GLI4: variants seen among roughly 807,000 people sequenced by gnomAD.
GLI4 encodes GLI family zinc finger 4, also known as zinc finger protein GLI4.
Under a neutral mutation model 30.9 loss-of-function variants are expected in GLI4, and 34 were observed. That is an observed-to-expected ratio of 1.10 (90% CI 0.84 to 1.47). The LOEUF (loss-of-function observed/expected upper bound fraction) is 1.47, where lower values mean the gene tolerates loss of function less well. GLI4 is among the 40% of genes most tolerant of loss of function. GLI4 has a pLI of 0.00. For missense variants in GLI4, 696 were observed against 538.9 expected (o/e 1.29, Z -2.89); for synonymous variants, 277 against 236.7 (o/e 1.17, Z -1.56).
chr8:143,275,055 C>G, intron 3 of GLI4: 2 of 1,533,632 alleles, frequency 1.3e-6, no homozygotes, highest in African/African-American at 1.4e-5. Flanking sequence ...GGACTCCTGC[C>G]GGCCCCAGCT....
At chr8:143,270,701 G>A (rs746968856) in intron 2 of GLI4, among the ~76,000 whole-genome samples, 6 of 152,184 alleles carry the variant, frequency 3.9e-5, no homozygotes, top group East Asian at 1.9e-4. Flanking sequence ...CTCCTGTCCC[G>A]TTACCAGTGG....
intron 3 of GLI4, 43 bp downstream of exon 3, chr8:143,274,845 G>A (rs1048130816): frequency 1.6e-5 from 25 of 1,521,750 alleles, no homozygotes; most frequent in African/African-American, 5.5e-5. Flanking sequence ...AGAGCTCTGC[G>A]CGTGCCAGGC....
At chr8:143,274,402 C>T (rs1336382961) in intron 2 of GLI4, 2 of 237,888 alleles carry the variant, frequency 8.4e-6, no homozygotes, top group South Asian at 1.2e-4. Flanking sequence ...GTGACAAAGC[C>T]GCCTTCAACG....
intron 2 of GLI4, among the ~76,000 whole-genome samples, chr8:143,269,941 A>G (rs934369736): frequency 6.6e-6 from 1 of 152,236 alleles, no homozygotes; most frequent in Non-Finnish European, 1.5e-5. Flanking sequence ...TCGCAGGGAC[A>G]GAGCGCCAGC....
intron 1 of GLI4, among the ~76,000 whole-genome samples, chr8:143,268,596 C>T (rs1349612500): frequency 1.3e-5 from 2 of 152,230 alleles, no homozygotes; most frequent in Non-Finnish European, 2.9e-5. Flanking sequence ...ATTAAGATTT[C>T]CTCCAAAACA....
At position 143,276,446 on chromosome 8, in the gene GLI4, T is replaced by A; in HGVS notation, c.773T>A (p.Leu258Gln). Residue 258 changes from leucine (L) to glutamine (Q), a missense_variant, in exon 4 of 4, where the codon CTG becomes CAG. Leu to Gln is a moderately radical substitution (Grantham distance 113, BLOSUM62 -2). Coordinates refer to ENST00000340042, the MANE Select transcript of GLI4 (RefSeq NM_138465.4). ...CACAGCTCGCACTTCACGCAGCACC[T>A]GCGCATCCACAACGGCGAGAAGCCC... is the stretch of plus-strand genomic sequence containing the variant. The part of the protein sequence containing the change: ...FSHSSHFTQH[L>Q]RIHNGEKPYK... 6.2e-7 allele frequency: 1 copy of A among 1,609,310 alleles called. No individual in the cohort carries two copies. The highest frequency in any genetic ancestry group is 1.1e-5 in the South Asian group (1 of 90,880).
At position 143,276,836 on chromosome 8, in the gene GLI4, C is replaced by G; in HGVS notation, c.*32C>G. ...GGGGGCTCGGGGCTCGGCCTCCTACCTGCCCCCAACCCACCCTCCACCCCG... is the reference window on the plus strand; with the variant it reads ...GGGGGCTCGGGGCTCGGCCTCCTACGTGCCCCCAACCCACCCTCCACCCCG... On this transcript the variant is annotated 3_prime_UTR_variant, in exon 4 of 4. Coordinates refer to ENST00000340042, the MANE Select transcript of GLI4 (RefSeq NM_138465.4). 7.3e-7 allele frequency: 1 copy of G among 1,374,216 alleles called. No individual in the cohort carries two copies. The highest frequency in any genetic ancestry group is 9.8e-7 in the Non-Finnish European group (1 of 1,018,018). 85.1% of individuals were successfully genotyped at this position (1,374,216 alleles called of 1,614,324 possible).
Position 143,276,105 on chromosome 8 carries a change from C to G in GLI4, c.432C>G (p.Arg144=). 11 of 1,444,968 alleles carry G rather than the reference C, an allele frequency of 7.6e-6. No homozygotes were observed. The highest frequency in any genetic ancestry group is 9.9e-6 in the Non-Finnish European group (11 of 1,109,056). 89.5% of individuals were successfully genotyped at this position (1,444,968 alleles called of 1,614,324 possible). A position where few individuals can be genotyped will look rare whatever the true frequency, so the allele number is the denominator to read the frequency against. ...VPCAQPRGAW[R]VTLVQQAAAG... ...GCGCCCAGCCGCGGGGCGCCTGGCG[C>G]GTGACGCTCGTGCAGCAAGCAGCGG... Residue 144 remains arginine, a synonymous_variant, in exon 4 of 4, where the codon CGC becomes CGG. Coordinates refer to ENST00000340042, the MANE Select transcript of GLI4 (RefSeq NM_138465.4).
intron 3 of GLI4, chr8:143,275,600 C>T: frequency 8.0e-7 from 1 of 1,246,406 alleles, no homozygotes; most frequent in Non-Finnish European, 1.0e-6. Flanking sequence ...AGGGTGACCC[C>T]ATGGTCTGTC....
Position 143,276,184 on chromosome 8 carries a change from C to CG in GLI4, c.513dup (p.Ser172GlufsTer24). The CG allele has an allele frequency of 6.4e-7, 1 of 1,559,504 alleles. No individual in the cohort carries two copies. The highest frequency in any genetic ancestry group is 8.7e-7 in the Non-Finnish European group (1 of 1,152,548). On this transcript the variant is annotated frameshift_variant, in exon 4 of 4. Transcript: ENST00000340042. LOFTEE classifies it high-confidence loss of function. ...TGCCGAGCTGGGAGTCAACTTCGGT[C>CG]GGAGCCGGCAGGGCAGCGCGCGGGG...
In GLI4 at chr8:143,276,490, G is replaced by A. The variant is rs570915626; in HGVS notation, c.817G>A (p.Gly273Ser). The change falls in exon 4 of 4, where the codon GGC becomes AGC. Residue 273 changes from glycine to serine, a missense_variant. Gly to Ser is a moderately conservative substitution (Grantham distance 56, BLOSUM62 0). Coordinates refer to ENST00000340042, the MANE Select transcript of GLI4 (RefSeq NM_138465.4). Reference protein sequence around the residue: ...GEKPYKCGECGQAFSQSSNLV... With the variant: ...GEKPYKCGECSQAFSQSSNLV... Reference sequence around the variant, plus strand: ...GAAGCCCTACAAGTGCGGCGAGTGCGGCCAGGCCTTCAGCCAGAGCTCCAA... The same window carrying A: ...GAAGCCCTACAAGTGCGGCGAGTGCAGCCAGGCCTTCAGCCAGAGCTCCAA... 4.3e-6 allele frequency: 7 copies of A among 1,613,052 alleles called. No homozygotes were observed. The African/African-American group carries it at 8.0e-5, about 18-fold the overall frequency.
rs142141652 is a variant in GLI4, at chr8:143,276,638, C to T, written c.965C>T (p.Pro322Leu). 4 of 1,612,432 alleles carry T rather than the reference C, an allele frequency of 2.5e-6. No homozygotes were observed. The highest frequency in any genetic ancestry group is 2.2e-5 in the South Asian group (2 of 91,054). ...EHQRIHTGEK[P>L]YECSDCGKAF... ...CAGCGCATCCACACTGGCGAGAAGCCCTACGAGTGCTCCGACTGCGGCAAA... is the reference window on the plus strand; with the variant it reads ...CAGCGCATCCACACTGGCGAGAAGCTCTACGAGTGCTCCGACTGCGGCAAA... Residue 322 changes from proline (P) to leucine (L), a missense_variant, in exon 4 of 4, where the codon CCC (proline) becomes CTC (leucine). Physicochemically the swap from Pro to Leu is moderately conservative, Grantham distance 98. Coordinates refer to ENST00000340042, the MANE Select transcript of GLI4 (RefSeq NM_138465.4).
Position 143,276,425 on chromosome 8 carries a change from G to C in GLI4, c.752G>C (p.Ser251Thr). The change falls in exon 4 of 4, where the codon AGC becomes ACC. Residue 251 changes from serine (S) to threonine (T), a missense_variant. By Grantham distance (58) the Ser-to-Thr change is moderately conservative. Transcript: ENST00000340042. The part of the protein sequence containing the change: ...CGQCGRAFSH[S>T]SHFTQHLRIH... ...CAGTGCGGCCGCGCCTTCAGCCACA[G>C]CTCGCACTTCACGCAGCACCTGCGC... 1.9e-6 allele frequency: 3 copies of C among 1,612,682 alleles called. No homozygotes were observed. Among genetic ancestry groups the C allele is most frequent in the Non-Finnish European group, 2.5e-6 (3 of 1,179,770 alleles).
chr8:143,268,322 T>C (rs1815185895), intron 1 of GLI4, among the ~76,000 whole-genome samples: 1 of 152,208 alleles, frequency 6.6e-6, no homozygotes, highest in South Asian at 2.1e-4. Flanking sequence ...TGTCCTCTTT[T>C]CCCGTTCCTT....
At position 143,269,533 on chromosome 8, in the gene GLI4, C is replaced by G. The variant is rs1210872312; in HGVS notation, c.124+13C>G. Reference sequence around the variant, plus strand: ...GGGCATCAACATGGTACTCACCCAGCCCGCTGTGCGCCCTCCACCCTGCAT... The same window carrying G: ...GGGCATCAACATGGTACTCACCCAGGCCGCTGTGCGCCCTCCACCCTGCAT... On this transcript the variant is annotated intron_variant, in intron 2 of 3. Coordinates refer to ENST00000340042, the MANE Select transcript of GLI4 (RefSeq NM_138465.4). The G allele has an allele frequency of 2.5e-6, 4 of 1,608,986 alleles. No homozygotes were observed. Among genetic ancestry groups the G allele is most frequent in the Admixed American group, 3.3e-5 (2 of 59,984 alleles).
At chr8:143,273,505 GGTGA>G (rs1004779671) in intron 2 of GLI4, 1 of 152,300 alleles carries the variant, frequency 6.6e-6, no homozygotes, top group African/African-American at 2.4e-5. Flanking sequence ...GGGCGTGTCG[GGTGA>G]GTGAGTGGCT....
At chr8:143,273,743 T>C (rs1815320239) in intron 2 of GLI4, among the ~76,000 whole-genome samples, 1 of 152,212 alleles carries the variant, frequency 6.6e-6, no homozygotes, top group African/African-American at 2.4e-5. Context: ...GCATTGTCAT[T>C]GCTGGGGACA....
intron 2 of GLI4, among the ~76,000 whole-genome samples, chr8:143,271,887 C>G (rs1815276122): frequency 6.6e-6 from 1 of 152,202 alleles, no homozygotes; most frequent in African/African-American, 2.4e-5. Flanking sequence ...GCGGGGAGAC[C>G]AGGCGGTGGG....
rs1331362370 is a variant in GLI4 at position 143,276,928 on chromosome 8, G to C, written c.*124G>C. On this transcript the variant is annotated 3_prime_UTR_variant, in exon 4 of 4. Coordinates refer to ENST00000340042, the MANE Select transcript of GLI4 (RefSeq NM_138465.4). ...CCGGAATAAATTCTTTTTGATTGTT[G>C]GAAGTGGGAGCCGGCACCTGCCTGG... 12 of 699,938 alleles carry C rather than the reference G, an allele frequency of 1.7e-5. No individual in the cohort carries two copies. The highest frequency in any genetic ancestry group is 2.8e-5 in the Non-Finnish European group (12 of 429,178). 43.4% of individuals were successfully genotyped at this position (699,938 alleles called of 1,614,324 possible).
Sources: allele counts gnomAD v4.1 joint callset (sites outside exome capture counted in the v4.1 genomes callset), GRCh38; gene constraint gnomAD v4.1.1; transcripts MANE v1.5; gene names NCBI Gene and HGNC (gene_info 2026-07-23, HGNC 2026-07-21).